The following STK32B variants were observed in gnomAD, a reference collection of about 807,000 sequenced individuals.
The protein encoded by STK32B is serine/threonine-protein kinase 32B.
In STK32B, 43 loss-of-function variants were observed where a neutral mutation model predicts 52.6. The ratio of observed to expected loss-of-function variants is 0.82; its 90% CI spans 0.64 to 1.05. The LOEUF is 1.05. STK32B is among the 50% of genes least tolerant of loss of function. STK32B has a pLI of 0.00. For synonymous variants in STK32B, 238 were observed against 204.3 expected (o/e 1.17, Z -1.41); for missense variants, 621 against 534.6 (o/e 1.16, Z -1.59).
intron 3 of STK32B, among the ~76,000 whole-genome samples, chr4:5,318,884 C>G (rs545005416): frequency 6.6e-6 from 1 of 152,046 alleles, no homozygotes; most frequent in South Asian, 2.1e-4. Context: ...ACTGCAAGCT[C>G]TGCCCCCTGG....
chr4:5,269,454 A>G (rs911910535), intron 3 of STK32B, among the ~76,000 whole-genome samples: 1 of 152,238 alleles, frequency 6.6e-6, no homozygotes, highest in African/African-American at 2.4e-5. Context: ...GCTCAAGATC[A>G]GGAACACAAA....
At chr4:5,402,896 C>G (rs1184641573) in intron 5 of STK32B, among the ~76,000 whole-genome samples, 1 of 152,166 alleles carries the variant, frequency 6.6e-6, no homozygotes, top group East Asian at 1.9e-4. Flanking sequence ...ACATTGGATT[C>G]TGAAGCATGC....
intron 1 of STK32B, among the ~76,000 whole-genome samples, chr4:5,126,064 C>T (rs989726255): frequency 3.3e-5 from 5 of 152,182 alleles, no homozygotes; most frequent in African/African-American, 7.2e-5. Flanking sequence ...CAGTTGGGCA[C>T]ATCATGTGGG....
intron 1 of STK32B, among the ~76,000 whole-genome samples, chr4:5,070,063 G>A (rs552862531): frequency 6.9e-4 from 105 of 152,320 alleles, no homozygotes; most frequent in African/African-American, 2.5e-3. Context: ...TGTTTATTCA[G>A]CCAGAAGAAG....
chr4:5,088,714 T>G (rs1712877593), intron 1 of STK32B, among the ~76,000 whole-genome samples: 1 of 151,920 alleles, frequency 6.6e-6, no homozygotes, highest in Admixed American at 6.6e-5. Flanking sequence ...AGACATCTCA[T>G]GGATCCCATA....
rs1168259304 is a variant in STK32B, at chr4:5,468,003, C to G, written c.1042-3C>G. 6.2e-7 allele frequency: 1 copy of G among 1,614,148 alleles called. No homozygotes were observed. The highest frequency in any genetic ancestry group is 1.1e-5 in the South Asian group (1 of 91,074). ...TTAGTCACCCCTCTGTGCTCTTTGA[C>G]AGAATGGACACCTGCAGCACTGTTT... On this transcript the variant is annotated splice_polypyrimidine_tract_variant and splice_region_variant and intron_variant, in intron 10 of 11. Transcript: ENST00000282908.
At chr4:5,272,485 G>T (rs1428045238) in intron 3 of STK32B, among the ~76,000 whole-genome samples, 2 of 146,468 alleles carry the variant, frequency 1.4e-5, no homozygotes, top group African/African-American at 2.6e-5. Context: ...TTGTGTCTCT[G>T]CCCGGCTTTG....
chr4:5,034,824 A>G, the STK32B span, among the ~76,000 whole-genome samples: 1 of 152,216 alleles, frequency 6.6e-6, no homozygotes, highest in African/African-American at 2.4e-5. Context: ...CTGGTTCAAA[A>G]TGAATGTTCA....
At chr4:5,424,949 C>A (rs1712958191) in intron 6 of STK32B, among the ~76,000 whole-genome samples, 1 of 152,266 alleles carries the variant, frequency 6.6e-6, no homozygotes, top group African/African-American at 2.4e-5. Flanking sequence ...AGCTTCTGGG[C>A]ACCACCAAGT....
chr4:5,051,551 C>T lies in STK32B; in HGVS notation c.-313C>T. 8.1e-6 allele frequency: 3 copies of T among 371,998 alleles called. No homozygotes were observed. The highest frequency in any genetic ancestry group is 9.5e-6 in the Non-Finnish European group (2 of 209,556). 23.0% of individuals were successfully genotyped at this position (371,998 alleles called of 1,614,324 possible). ...GCTGTAGCCGGCGAGGAGCGCCGCA[C>T]GTTGGCCCCGGCGCGAGGAGCTCCC... is the stretch of plus-strand genomic sequence containing the variant. On this transcript the variant is annotated 5_prime_UTR_variant, in exon 1 of 12. The change creates a new upstream start codon in the 5' untranslated region. Coordinates refer to ENST00000282908, the MANE Select transcript of STK32B (RefSeq NM_018401.3).
chr4:5,274,436 G>T (rs532409089), intron 3 of STK32B, among the ~76,000 whole-genome samples: 1 of 152,198 alleles, frequency 6.6e-6, no homozygotes, highest in African/African-American at 2.4e-5. Context: ...TGAGAGACAG[G>T]ACTAGGTGGA....
intron 3 of STK32B, among the ~76,000 whole-genome samples, chr4:5,176,329 C>G (rs181420878): frequency 6.6e-6 from 1 of 152,132 alleles, no homozygotes; most frequent in Non-Finnish European, 1.5e-5. Context: ...GTCCGGCACT[C>G]CCCAGTGAGA....
chr4:5,387,011 G>C (rs1219542582), intron 4 of STK32B, among the ~76,000 whole-genome samples: 1 of 152,246 alleles, frequency 6.6e-6, no homozygotes, highest in Non-Finnish European at 1.5e-5. Context: ...GATCCAGGAG[G>C]AAAATGAGAG....
chr4:5,386,223 C>T lies in STK32B; in HGVS notation c.435-11984C>T, dbSNP rs558210924. Among the ~76,000 whole-genome samples the T allele has an allele frequency of 5.4e-4, 82 of 152,066 alleles. No homozygotes were observed. Among genetic ancestry groups the T allele is most frequent in the Non-Finnish European group, 8.5e-4 (58 of 68,030 alleles). On this transcript the variant is annotated intron_variant, in intron 4 of 11. Coordinates refer to ENST00000282908, the MANE Select transcript of STK32B (RefSeq NM_018401.3). The surrounding 1 kb of genome is among the most constrained non-coding windows in gnomAD (Gnocchi z 4.5). ...TCCCCCTCTATTTCCCTCAGCGTAT[C>T]ATATTATGCAGTTTTATCTTTGACT...
intron 3 of STK32B, among the ~76,000 whole-genome samples, chr4:5,245,087 T>C (rs899063875): frequency 1.3e-5 from 2 of 152,178 alleles, no homozygotes; most frequent in African/African-American, 4.8e-5. Context: ...GTCTATTAGG[T>C]CCGCTTGGTG....
intron 3 of STK32B, among the ~76,000 whole-genome samples, chr4:5,257,985 G>C (rs1036467423): frequency 6.6e-6 from 1 of 152,120 alleles, no homozygotes; most frequent in Non-Finnish European, 1.5e-5. Flanking sequence ...TACAGCAGGG[G>C]AAATGTGGGC....
At chr4:5,269,586 G>A (rs1727287074) in intron 3 of STK32B, among the ~76,000 whole-genome samples, 1 of 152,044 alleles carries the variant, frequency 6.6e-6, no homozygotes, top group Non-Finnish European at 1.5e-5. Flanking sequence ...GCGGTTAAGT[G>A]GTTATTATAA....
intron 2 of STK32B, among the ~76,000 whole-genome samples, chr4:5,163,030 G>A (rs62290494): frequency 0.055 from 8,436 of 152,280 alleles, 422 homozygotes; most frequent in Admixed American, 0.16. Context: ...GACCTGCTCT[G>A]GGCCATGTGG....
At chr4:5,154,784 G>A (rs1011503511) in intron 2 of STK32B, among the ~76,000 whole-genome samples, 2 of 152,184 alleles carry the variant, frequency 1.3e-5, no homozygotes, top group Non-Finnish European at 2.9e-5. Context: ...CACTTAGCTT[G>A]GTGCCCAACA....
Sources: gnomAD v4.1 joint callset for allele counts (sites outside exome capture counted in the v4.1 genomes callset) on GRCh38, gnomAD v4.1.1 for gene constraint, Gnocchi (gnomAD v3.1) non-coding constraint, MANE v1.5 for transcripts, NCBI Gene and HGNC (gene_info 2026-07-23, HGNC 2026-07-21) for gene names.